QDPR: variants seen among roughly 807,000 people sequenced by gnomAD.
QDPR encodes the protein dihydropteridine reductase.
Under a neutral mutation model 31.7 loss-of-function variants are expected in QDPR, and 23 were observed. That is an observed-to-expected ratio of 0.73 (90% CI 0.52 to 1.03). The LOEUF (loss-of-function observed/expected upper bound fraction) is 1.03, where lower values mean the gene tolerates loss of function less well. Among genes scored for constraint, QDPR ranks in the 50% least tolerant of loss-of-function variants. QDPR has a pLI of 0.00. For synonymous variants in QDPR, 124 were observed against 124.7 expected (o/e 0.99, Z 0.03); for missense variants, 324 against 323.8 (o/e 1.00, Z 0.00).
chr4:17,511,359 G>A (rs1234572629), intron 1 of QDPR, among the ~76,000 whole-genome samples: 1 of 152,190 alleles, frequency 6.6e-6, no homozygotes, highest in Non-Finnish European at 1.5e-5. Flanking sequence ...TCCGTGCTGA[G>A]CCTTCAAACT....
chr4:17,511,978 C>T lies in QDPR; in HGVS notation c.77G>A (p.Cys26Tyr). Residue 26 changes from cysteine (C) to tyrosine (Y), a missense_variant, in exon 1 of 7, where the codon TGC becomes TAC. Coordinates refer to ENST00000281243, the MANE Select transcript of QDPR (RefSeq NM_000320.3). ...YGGRGALGSR[C>Y]VQAFRARNWW... ...GTTGCGGGCCCGAAAAGCCTGCACG[C>T]ATCGAGAACCCAGAGCGCCCCTGCC... is the stretch of plus-strand genomic sequence containing the variant. 1.9e-6 allele frequency: 3 copies of T among 1,611,126 alleles called. No homozygotes were observed.
intron 5 of QDPR, among the ~76,000 whole-genome samples, chr4:17,491,140 A>T (rs542204116): frequency 6.6e-6 from 1 of 152,356 alleles, no homozygotes; most frequent in South Asian, 2.1e-4. Context: ...TATGCCTTTA[A>T]ATATGAGAAT....
chr4:17,505,834 G>A (rs1054037559), intron 2 of QDPR, among the ~76,000 whole-genome samples: 3 of 152,194 alleles, frequency 2.0e-5, no homozygotes, highest in African/African-American at 7.2e-5. Context: ...TGGGGGTATG[G>A]TGGAGAAGGT....
intron 1 of QDPR, 47 bp downstream of exon 1, chr4:17,511,903 C>A (rs778086071): frequency 6.3e-7 from 1 of 1,582,922 alleles, no homozygotes; most frequent in South Asian, 1.1e-5. Context: ...CACGAAAGCC[C>A]CCGGCCACCC....
intron 4 of QDPR, among the ~76,000 whole-genome samples, chr4:17,497,803 T>G (rs559682808): frequency 6.6e-6 from 1 of 152,310 alleles, no homozygotes; most frequent in East Asian, 1.9e-4. Flanking sequence ...CCAAGTCTGT[T>G]GAGGTATAAC....
chr4:17,489,302 T>C (rs894450034), intron 6 of QDPR, among the ~76,000 whole-genome samples: 13 of 152,212 alleles, frequency 8.5e-5, no homozygotes, highest in African/African-American at 3.1e-4. Context: ...GCCCGTCCTC[T>C]GTGGGTCTGT....
chr4:17,503,981 G>GAGGGA (rs1718661304), intron 3 of QDPR, among the ~76,000 whole-genome samples: 2 of 151,652 alleles, frequency 1.3e-5, no homozygotes, highest in South Asian at 2.1e-4. Flanking sequence ...GAGGGGAGGG[G>GAGGGA]AGGGAAGGGA....
At chr4:17,497,364 AC>A (rs1044633638) in intron 4 of QDPR, among the ~76,000 whole-genome samples, 50 of 151,922 alleles carry the variant, frequency 3.3e-4, no homozygotes, top group African/African-American at 1.1e-3. Flanking sequence ...CTTTTCCAAG[AC>A]CCTGTTTGAA....
intron 5 of QDPR, among the ~76,000 whole-genome samples, chr4:17,491,435 G>A (rs60137394): frequency 0.025 from 3,754 of 152,236 alleles, 156 homozygotes; most frequent in African/African-American, 0.086. Flanking sequence ...GCCTTCCAGC[G>A]AGAAGGAGTA....
At chr4:17,498,996 A>T (rs566984107) in intron 4 of QDPR, among the ~76,000 whole-genome samples, 3 of 151,888 alleles carry the variant, frequency 2.0e-5, no homozygotes, top group Admixed American at 2.0e-4. Context: ...AAAGATGAAC[A>T]AATTCATTAA....
chr4:17,505,540 C>T (rs1055535409), intron 2 of QDPR, among the ~76,000 whole-genome samples: 3 of 152,198 alleles, frequency 2.0e-5, no homozygotes, highest in African/African-American at 7.2e-5. Flanking sequence ...AGCTACCACG[C>T]CTGGCCCAAT....
intron 3 of QDPR, among the ~76,000 whole-genome samples, chr4:17,503,341 A>C (rs1050689872): frequency 2.6e-5 from 4 of 152,234 alleles, no homozygotes; most frequent in Non-Finnish European, 5.9e-5. Context: ...CATGGAATAA[A>C]CTGGGGAAAT....
At chr4:17,490,433 G>T in intron 6 of QDPR, 1 of 519,828 alleles carries the variant, frequency 1.9e-6, no homozygotes, top group Non-Finnish European at 3.6e-6. Flanking sequence ...GTGAGGGAGC[G>T]AGCCAGGATT....
chr4:17,493,109 C>T (rs1393645443), intron 4 of QDPR, among the ~76,000 whole-genome samples: 1 of 152,188 alleles, frequency 6.6e-6, no homozygotes, highest in East Asian at 1.9e-4. Flanking sequence ...ACAGTCAATT[C>T]TCTAAGTCTC....
At chr4:17,501,204 A>C (rs994991834) in intron 4 of QDPR, among the ~76,000 whole-genome samples, 1 of 152,154 alleles carries the variant, frequency 6.6e-6, no homozygotes, top group African/African-American at 2.4e-5. Flanking sequence ...TTTCTAATGT[A>C]GAGATAGGGT....
At chr4:17,487,854 C>A (rs1294596807) in intron 6 of QDPR, among the ~76,000 whole-genome samples, 4 of 152,014 alleles carry the variant, frequency 2.6e-5, no homozygotes, top group African/African-American at 9.7e-5. Flanking sequence ...ATACCCAGGC[C>A]CCCAGTGAGT....
chr4:17,509,161 G>GA (rs1718903878), intron 2 of QDPR, 110 bp downstream of exon 2: 7 of 912,928 alleles, frequency 7.7e-6, no homozygotes, highest in South Asian at 4.1e-5. Flanking sequence ...CCGTCTCGGG[G>GA]AAAAAAAGAA....
At position 17,511,993 on chromosome 4, in the gene QDPR, G is replaced by C. The variant is rs751786311; in HGVS notation, c.62C>G (p.Ala21Gly). The C allele has an allele frequency of 1.2e-6, 2 of 1,610,442 alleles. No individual in the cohort carries two copies. The highest frequency in any genetic ancestry group is 2.2e-5 in the South Asian group (2 of 90,958). The change falls in exon 1 of 7, where the codon GCT (alanine) becomes GGT (glycine). Residue 21 changes from alanine (A) to glycine (G), a missense_variant. Transcript: ENST00000281243. ...RRVLVYGGRGALGSRCVQAFR... is the reference protein window; with the variant it reads ...RRVLVYGGRGGLGSRCVQAFR... ...AGCCTGCACGCATCGAGAACCCAGAGCGCCCCTGCCGCCGTACACCAGCAC... is the reference window on the plus strand; with the variant it reads ...AGCCTGCACGCATCGAGAACCCAGACCGCCCCTGCCGCCGTACACCAGCAC...
chr4:17,499,577 G>C (rs897703255), intron 4 of QDPR, among the ~76,000 whole-genome samples: 1 of 152,186 alleles, frequency 6.6e-6, no homozygotes, highest in Non-Finnish European at 1.5e-5. Flanking sequence ...AAAATGAGAG[G>C]GAAGGTATTG....
Sources: gnomAD v4.1 joint callset for allele counts (sites outside exome capture counted in the v4.1 genomes callset) on GRCh38, gnomAD v4.1.1 for gene constraint, MANE v1.5 for transcripts, NCBI Gene and HGNC (gene_info 2026-07-23, HGNC 2026-07-21) for gene names.